DCDC2C: variants seen among roughly 807,000 people sequenced by gnomAD.
DCDC2C encodes doublecortin domain-containing protein 2C.
In DCDC2C, 44 loss-of-function variants were observed where a neutral mutation model predicts 45.0. That is an observed-to-expected ratio of 0.98 (90% CI 0.77 to 1.26). The LOEUF is 1.26. DCDC2C is among the 50% of genes most tolerant of loss of function. The probability of loss-of-function intolerance (pLI) is 0.00; values close to 1 mark genes in which losing one functional copy is unlikely to be tolerated. For missense variants in DCDC2C, 447 were observed against 468.9 expected (o/e 0.95, Z 0.43); for synonymous variants, 187 against 178.8 (o/e 1.05, Z -0.37).
intron 4 of DCDC2C, among the ~76,000 whole-genome samples, chr2:3,751,303 G>A (rs760698265): frequency 2.6e-4 from 39 of 152,158 alleles, no homozygotes; most frequent in Non-Finnish European, 1.9e-4. Context: ...GGCACTGGCT[G>A]TCCAAGTCCA....
chr2:3,783,303 G>A (rs1380713311), intron 9 of DCDC2C, among the ~76,000 whole-genome samples: 1 of 152,166 alleles, frequency 6.6e-6, no homozygotes, highest in Non-Finnish European at 1.5e-5. Flanking sequence ...TCCTGTGCAT[G>A]TTCTGGCCTA....
intron 3 of DCDC2C, among the ~76,000 whole-genome samples, chr2:3,731,512 G>A (rs1284827645): frequency 1.3e-5 from 2 of 152,170 alleles, no homozygotes; most frequent in African/African-American, 4.8e-5. Flanking sequence ...AGAGCTAACC[G>A]GGAGTAGATC....
At chr2:3,835,083 C>T (rs200185226) in intron 10 of DCDC2C, among the ~76,000 whole-genome samples, 58 of 152,180 alleles carry the variant, frequency 3.8e-4, no homozygotes, top group Admixed American at 1.1e-3. Flanking sequence ...CATAAATACA[C>T]GAGTTTGCCT....
chr2:3,762,551 A>G (rs797008772), intron 6 of DCDC2C, among the ~76,000 whole-genome samples: 15 of 152,232 alleles, frequency 9.9e-5, no homozygotes, highest in African/African-American at 2.6e-4. Flanking sequence ...GAAGGGAAGT[A>G]GGTGTCTCAC....
chr2:3,801,783 C>A (rs969310907), intron 10 of DCDC2C, among the ~76,000 whole-genome samples: 6 of 152,236 alleles, frequency 3.9e-5, no homozygotes, highest in Non-Finnish European at 8.8e-5. Context: ...TGCATGCTGA[C>A]CCAGCTCTGC....
chr2:3,752,638 TA>T (rs1479061604), intron 4 of DCDC2C, 124 bp from the exon 5 acceptor site: 1 of 1,170,216 alleles, frequency 8.5e-7, no homozygotes, highest in Non-Finnish European at 1.2e-6. Context: ...AACACGTGCT[TA>T]CGATGAGCAC....
In DCDC2C at chr2:3,703,740, C is replaced by T. The variant is rs1667937738; in HGVS notation, c.-12C>T. On this transcript the variant is annotated 5_prime_UTR_variant, in exon 1 of 11. Coordinates refer to ENST00000399143, the MANE Select transcript of DCDC2C (RefSeq NM_001287444.2). This position sits in a 1 kb window ranked among gnomAD's most constrained non-coding sequence, Gnocchi z 4.4. ...CCTCTCGGCCCCGGCGAGCGAGGAG[C>T]GGGGCGCGGCTATGGGAACCCGCGG... 3 of 1,229,774 alleles carry T rather than the reference C, an allele frequency of 2.4e-6. No homozygotes were observed. The highest frequency in any genetic ancestry group is 3.0e-6 in the Non-Finnish European group (3 of 986,216). The allele number at this position is 1,229,774 out of a possible 1,614,324, so 76.2% of individuals were successfully genotyped here. A position where few individuals can be genotyped will look rare whatever the true frequency, so the allele number is the denominator to read the frequency against.
intron 2 of DCDC2C, among the ~76,000 whole-genome samples, chr2:3,722,319 C>T (rs1347413506): frequency 6.6e-6 from 1 of 152,226 alleles, no homozygotes; most frequent in East Asian, 1.9e-4. Context: ...GATGGCTTAT[C>T]ATGGCCAGGA....
At chr2:3,708,962 T>G (rs1038218139) in intron 2 of DCDC2C, among the ~76,000 whole-genome samples, 2 of 152,258 alleles carry the variant, frequency 1.3e-5, no homozygotes, top group Non-Finnish European at 2.9e-5. Context: ...TAATGCTAAA[T>G]TTAAAGATTT....
intron 10 of DCDC2C, among the ~76,000 whole-genome samples, chr2:3,816,974 G>A (rs1447920151): frequency 7.2e-5 from 11 of 152,328 alleles, no homozygotes; most frequent in East Asian, 1.9e-4. Context: ...AAGAGGTTAC[G>A]AAATGATGAC....
intron 3 of DCDC2C, among the ~76,000 whole-genome samples, chr2:3,728,380 A>C (rs1230681501): frequency 6.6e-6 from 1 of 152,162 alleles, no homozygotes; most frequent in African/African-American, 2.4e-5. Context: ...AAATAATAAG[A>C]CACAGTATTT....
intron 10 of DCDC2C, among the ~76,000 whole-genome samples, chr2:3,846,511 A>G (rs1197309816): frequency 6.6e-6 from 1 of 152,172 alleles, no homozygotes; most frequent in Admixed American, 6.5e-5. Flanking sequence ...ATAGTACTCT[A>G]TCTTCCTTAG....
intron 10 of DCDC2C, among the ~76,000 whole-genome samples, chr2:3,800,276 C>T (rs1429429951): frequency 6.6e-6 from 1 of 152,182 alleles, no homozygotes; most frequent in African/African-American, 2.4e-5. Flanking sequence ...TCTGGCACTC[C>T]CTAGTGAGAT....
At chr2:3,789,320 A>G (rs1670745311) in intron 10 of DCDC2C, among the ~76,000 whole-genome samples, 1 of 152,216 alleles carries the variant, frequency 6.6e-6, no homozygotes, top group South Asian at 2.1e-4. Context: ...CTTTGAACTG[A>G]GGACTGGCTC....
chr2:3,713,520 C>T (rs899369866), intron 2 of DCDC2C, among the ~76,000 whole-genome samples: 3 of 152,154 alleles, frequency 2.0e-5, no homozygotes, highest in Admixed American at 6.5e-5. Context: ...CTGCATGTCT[C>T]GGCCCTAAAA....
chr2:3,735,362 C>G (rs1668994629), intron 3 of DCDC2C, among the ~76,000 whole-genome samples: 1 of 151,786 alleles, frequency 6.6e-6, no homozygotes, highest in Non-Finnish European at 1.5e-5. Context: ...GTGCTGCACC[C>G]ATTAACTCAT....
At chr2:3,717,825 C>T (rs892432714) in intron 2 of DCDC2C, among the ~76,000 whole-genome samples, 27 of 152,306 alleles carry the variant, frequency 1.8e-4, no homozygotes, top group African/African-American at 5.8e-4. Flanking sequence ...CCTCTTCATG[C>T]GCCTATCCTC....
intron 10 of DCDC2C, among the ~76,000 whole-genome samples, chr2:3,801,685 G>C (rs1357842754): frequency 2.0e-5 from 3 of 152,252 alleles, no homozygotes; most frequent in African/African-American, 7.2e-5. Context: ...GCCTGAGCTT[G>C]TGGGCTCCCT....
At chr2:3,778,590 AGAAAG>A (rs1670419847) in intron 8 of DCDC2C, among the ~76,000 whole-genome samples, 1 of 152,132 alleles carries the variant, frequency 6.6e-6, no homozygotes, top group Non-Finnish European at 1.5e-5. Context: ...ACTCCTTAGA[AGAAAG>A]AGGTTTCTCC....
Sources: gnomAD v4.1 joint callset for allele counts (sites outside exome capture counted in the v4.1 genomes callset) on GRCh38, gnomAD v4.1.1 for gene constraint, Gnocchi (gnomAD v3.1) non-coding constraint, MANE v1.5 for transcripts, NCBI Gene and HGNC (gene_info 2026-07-23, HGNC 2026-07-21) for gene names.